The following SIN3A variants were observed in gnomAD, a reference collection of about 807,000 sequenced individuals.
SIN3A encodes the protein paired amphipathic helix protein Sin3a.
In SIN3A, 14 loss-of-function variants were observed where a neutral mutation model predicts 146.1. The observed-to-expected ratio is 0.10, with a 90% CI of 0.06 to 0.15. The LOEUF is 0.15. SIN3A is among the 10% of genes least tolerant of loss of function. The pLI is 1.00. For missense variants in SIN3A, 1,028 were observed against 1,576.0 expected, an observed-to-expected ratio of 0.65 and a Z score of 5.89; for synonymous variants, 572 against 572.0, an observed-to-expected ratio of 1.00 and a Z score of 0.00.
intron 16 of SIN3A, among the ~76,000 whole-genome samples, chr15:75,389,315 A>C (rs1457705959): frequency 1.3e-5 from 2 of 152,102 alleles, no homozygotes; most frequent in South Asian, 2.1e-4. Context: ...AAAAAAAAAA[A>C]AACTTACCAA....
At chr15:75,441,140 T>C (rs2074203230) in intron 1 of SIN3A, among the ~76,000 whole-genome samples, 1 of 151,834 alleles carries the variant, frequency 6.6e-6, no homozygotes, top group African/African-American at 2.4e-5. Flanking sequence ...AAACCCCATC[T>C]CTACTAAAAA....
At chr15:75,437,763 T>C (rs2074131778) in intron 1 of SIN3A, among the ~76,000 whole-genome samples, 1 of 152,034 alleles carries the variant, frequency 6.6e-6, no homozygotes, top group Admixed American at 6.6e-5. Flanking sequence ...TATAGTACTA[T>C]CAGAACTCTA....
intron 1 of SIN3A, among the ~76,000 whole-genome samples, chr15:75,443,905 C>T (rs1237039032): frequency 1.3e-5 from 2 of 152,130 alleles, no homozygotes; most frequent in Non-Finnish European, 2.9e-5. Flanking sequence ...AGCGAGGCCC[C>T]ATCTCTAAAA....
At chr15:75,418,068 G>A (rs2073773286) in intron 3 of SIN3A, among the ~76,000 whole-genome samples, 1 of 151,926 alleles carries the variant, frequency 6.6e-6, no homozygotes, top group Non-Finnish European at 1.5e-5. Flanking sequence ...TCTTGCTCTT[G>A]TCTCCCAGGC....
chr15:75,370,531 T>TA lies in SIN3A; in HGVS notation c.*1447dup, dbSNP rs1026769995. On this transcript the variant is annotated 3_prime_UTR_variant, in exon 21 of 21. Transcript: ENST00000394947. ...GTCTGCTAGTTTAAATTTATGTAAT[T>TA]AAAAAAATAGGTATCCCATTTCAAA... 3.3e-5 allele frequency: 5 copies of TA among 152,096 alleles called. No individual in the cohort carries two copies. Among genetic ancestry groups the TA allele is most frequent in the Middle Eastern group, 3.2e-3 (1 of 316 alleles). The allele number at this position is 152,096 out of a possible 1,614,324, so 9.4% of individuals were successfully genotyped here.
rs1188743716 is a variant in SIN3A at position 75,369,542 on chromosome 15, T to G, written c.*2437A>C. 1 of 152,204 alleles carries G rather than the reference T, an allele frequency of 6.6e-6. No individual in the cohort carries two copies. Among genetic ancestry groups the G allele is most frequent in the Non-Finnish European group, 1.5e-5 (1 of 68,030 alleles). The allele number at this position is 152,204 out of a possible 1,614,324, so 9.4% of individuals were successfully genotyped here. On this transcript the variant is annotated 3_prime_UTR_variant, in exon 21 of 21. Transcript: ENST00000394947. ...GGGTTTAGAGCTTGGAGCTCAGATG[T>G]CAGACAGCAGGAGGAATAAAAATGC...
At position 75,402,100 on chromosome 15, in the gene SIN3A, A is replaced by G; in HGVS notation, c.1408-130T>C. The G allele has an allele frequency of 4.7e-6, 3 of 636,394 alleles. No homozygotes were observed. In the South Asian group the frequency reaches 5.6e-5, roughly 12 times the overall value. 39.4% of individuals were successfully genotyped at this position (636,394 alleles called of 1,614,324 possible). A position where few individuals can be genotyped will look rare whatever the true frequency, so the allele number is the denominator to read the frequency against. ...CAGCTCACTGCAGCCTCCCATCCTC[A>G]GCCTCCCAAGTAGCTGGGACTACAG... On this transcript the variant is annotated intron_variant, in intron 9 of 20. Transcript: ENST00000394947.
chr15:75,384,855 G>A (rs915373104), intron 16 of SIN3A, among the ~76,000 whole-genome samples: 4 of 152,182 alleles, frequency 2.6e-5, no homozygotes, highest in African/African-American at 7.2e-5. Flanking sequence ...AAGCTAGACA[G>A]AGAGTTGGGG....
chr15:75,412,147 A>G (rs1338942384), intron 5 of SIN3A, among the ~76,000 whole-genome samples: 5 of 152,232 alleles, frequency 3.3e-5, no homozygotes, highest in Non-Finnish European at 7.3e-5. Context: ...TCTGTCCTGT[A>G]GAACTGAGAT....
At chr15:75,415,986 C>T in intron 3 of SIN3A, 1 of 341,192 alleles carries the variant, frequency 2.9e-6, no homozygotes, top group South Asian at 2.9e-5. Flanking sequence ...ACAGACCAGG[C>T]ACAGAAAGCT....
chr15:75,455,306 G>A (rs1044819090), upstream of SIN3A, among the ~76,000 whole-genome samples: 6 of 151,412 alleles, frequency 4.0e-5, no homozygotes, highest in Non-Finnish European at 7.4e-5. Context: ...GACCATGCTC[G>A]AGCCGCCGCC....
chr15:75,427,884 T>C (rs1443085019), intron 2 of SIN3A, among the ~76,000 whole-genome samples: 1 of 151,468 alleles, frequency 6.6e-6, no homozygotes, highest in Non-Finnish European at 1.5e-5. Flanking sequence ...GGCAGGAGAA[T>C]CACTTGAGCC....
Position 75,409,991 on chromosome 15 carries a change from G to T in SIN3A, c.1162C>A (p.Leu388Ile), listed in dbSNP as rs761938898. 1 of 1,614,098 alleles carries T rather than the reference G, an allele frequency of 6.2e-7. No homozygotes were observed. The highest frequency in any genetic ancestry group is 1.1e-5 in the South Asian group (1 of 91,082). The change falls in exon 8 of 21, where the codon CTT becomes ATT. Residue 388 changes from leucine to isoleucine, a missense_variant and splice_region_variant. Physicochemically the swap from Leu to Ile is conservative, Grantham distance 5. Coordinates refer to ENST00000394947, the MANE Select transcript of SIN3A (RefSeq NM_001145358.2). ...QFLPDANSSV[L>I]LSKTTAEKVD... Reference sequence around the variant, plus strand: ...TTCTCAGCAGTTGTTTTGCTTAAAAGCTGATTAAGACACATGAATGAGATT... The same window carrying T: ...TTCTCAGCAGTTGTTTTGCTTAAAATCTGATTAAGACACATGAATGAGATT...
intron 1 of SIN3A, among the ~76,000 whole-genome samples, chr15:75,441,003 G>C (rs1008041364): frequency 2.5e-5 from 3 of 117,740 alleles, no homozygotes; most frequent in African/African-American, 7.0e-5. Context: ...AAAAAAAAAA[G>C]AACAAGAAAA....
At chr15:75,454,226 G>A (rs959181997), upstream of SIN3A, among the ~76,000 whole-genome samples, 4 of 152,106 alleles carry the variant, frequency 2.6e-5, no homozygotes, top group African/African-American at 4.8e-5. Flanking sequence ...TCGGGAGAAT[G>A]TCATCCAATC....
intron 19 of SIN3A, among the ~76,000 whole-genome samples, chr15:75,379,175 G>A (rs1416503402): frequency 6.6e-6 from 1 of 152,182 alleles, no homozygotes; most frequent in Non-Finnish European, 1.5e-5. Flanking sequence ...TGGAGTTACA[G>A]GCGTGAGCCA....
chr15:75,441,469 T>A (rs1009550065), intron 1 of SIN3A, among the ~76,000 whole-genome samples: 3 of 151,784 alleles, frequency 2.0e-5, no homozygotes, highest in Admixed American at 6.6e-5. Flanking sequence ...AAGAAAAAAA[T>A]TTTTTTTAGA....
At chr15:75,454,539 C>G (rs2074459845), upstream of SIN3A, among the ~76,000 whole-genome samples, 1 of 151,296 alleles carries the variant, frequency 6.6e-6, no homozygotes, top group African/African-American at 2.4e-5. Context: ...CGGCCGCCAT[C>G]CCGGCTGACA....
chr15:75,437,596 T>C (rs543946672), intron 1 of SIN3A, among the ~76,000 whole-genome samples: 1 of 152,240 alleles, frequency 6.6e-6, no homozygotes, highest in South Asian at 2.1e-4. Context: ...GTAGAAACAT[T>C]GGACAAGACT....
Sources: allele counts gnomAD v4.1 joint callset (sites outside exome capture counted in the v4.1 genomes callset), GRCh38; gene constraint gnomAD v4.1.1; transcripts MANE v1.5; gene names NCBI Gene and HGNC (gene_info 2026-07-23, HGNC 2026-07-21).